Variants in IL1RAPL1 observed in about 807,000 individuals in gnomAD.
The protein encoded by IL1RAPL1 is interleukin 1 receptor accessory protein like 1.
Under a neutral mutation model 48.4 loss-of-function variants are expected in IL1RAPL1, and 3 were observed. The ratio of observed to expected loss-of-function variants is 0.06; its 90% CI spans 0.03 to 0.16. IL1RAPL1 has a LOEUF of 0.16. Among genes scored for constraint, IL1RAPL1 ranks in the 10% least tolerant of loss-of-function variants. The probability of loss-of-function intolerance (pLI) is 1.00; values close to 1 mark genes in which losing one functional copy is unlikely to be tolerated. For missense variants in IL1RAPL1, 349 were observed against 530.6 expected, an observed-to-expected ratio of 0.66 and a Z score of 3.36; for synonymous variants, 185 against 187.7, an observed-to-expected ratio of 0.99 and a Z score of 0.12.
At chrX:29,276,963 C>A (rs1932129514) in intron 2 of IL1RAPL1, among the ~76,000 whole-genome samples, 1 of 111,940 alleles carries the variant, frequency 8.9e-6, no homozygotes, top group Non-Finnish European at 1.9e-5. Context: ...TCAGAGTACA[C>A]CACACTTCAG....
At chrX:28,981,814 G>A (rs1260271532) in intron 2 of IL1RAPL1, among the ~76,000 whole-genome samples, 1 of 111,156 alleles carries the variant, frequency 9.0e-6, no homozygotes, top group East Asian at 2.8e-4. Context: ...TACATGCTCT[G>A]CACAAATCCT....
chrX:29,789,060 A>G (rs749436862), intron 6 of IL1RAPL1, among the ~76,000 whole-genome samples: 5 of 112,215 alleles, frequency 4.5e-5, no homozygotes, highest in Non-Finnish European at 9.4e-5. Context: ...CTACATTTGC[A>G]TATGCTTAAG....
intron 1 of IL1RAPL1, among the ~76,000 whole-genome samples, chrX:28,743,068 T>C (rs1158744474): frequency 9.0e-6 from 1 of 111,678 alleles, no homozygotes; most frequent in East Asian, 2.8e-4. Flanking sequence ...ATATGATTCT[T>C]CCTTATCCTT....
intron 2 of IL1RAPL1, among the ~76,000 whole-genome samples, chrX:29,220,335 T>C (rs781706808): frequency 2.4e-4 from 27 of 112,786 alleles, no homozygotes; most frequent in Non-Finnish European, 4.3e-4. Flanking sequence ...GTCTAACATA[T>C]CTAAATAGCT....
At chrX:29,333,388 G>A (rs1372768818) in intron 3 of IL1RAPL1, among the ~76,000 whole-genome samples, 3 of 105,593 alleles carry the variant, frequency 2.8e-5, no homozygotes, top group East Asian at 3.1e-4. Flanking sequence ...TGGATAGGGC[G>A]GCTGGCCGGG....
intron 5 of IL1RAPL1, among the ~76,000 whole-genome samples, chrX:29,574,071 A>G (rs1922690242): frequency 9.1e-6 from 1 of 110,413 alleles, no homozygotes; most frequent in Non-Finnish European, 1.9e-5. Context: ...TAATTGTCTC[A>G]TGGTTCCACA....
At chrX:28,784,326 T>C (rs759192667) in intron 1 of IL1RAPL1, among the ~76,000 whole-genome samples, 7 of 112,151 alleles carry the variant, frequency 6.2e-5, no homozygotes, top group Admixed American at 9.5e-5. Flanking sequence ...AATATAGTAA[T>C]GGCAAAACTT....
intron 2 of IL1RAPL1, among the ~76,000 whole-genome samples, chrX:29,085,117 A>G (rs990727729): frequency 8.9e-6 from 1 of 112,309 alleles, no homozygotes; most frequent in African/African-American, 3.2e-5. Context: ...CTATTAGAAT[A>G]GACTAATGGA....
intron 6 of IL1RAPL1, among the ~76,000 whole-genome samples, chrX:29,869,203 G>C (rs1447953437): frequency 8.9e-6 from 1 of 112,211 alleles, no homozygotes; most frequent in Non-Finnish European, 1.9e-5. Flanking sequence ...AACACACACA[G>C]AATACATCAG....
intron 5 of IL1RAPL1, among the ~76,000 whole-genome samples, chrX:29,448,001 G>A (rs1934631819): frequency 9.0e-6 from 1 of 111,707 alleles, no homozygotes; most frequent in South Asian, 3.7e-4. Context: ...GCATGCTGAG[G>A]TATAACTTCA....
chrX:29,779,281 A>G (rs950595925), intron 6 of IL1RAPL1, among the ~76,000 whole-genome samples: 1 of 111,562 alleles, frequency 9.0e-6, no homozygotes, highest in African/African-American at 3.3e-5. Flanking sequence ...ACAAACTGGG[A>G]TTCTGGACCC....
chrX:28,943,568 T>G (rs662810), intron 2 of IL1RAPL1, among the ~76,000 whole-genome samples: 36,047 of 108,265 alleles, frequency 0.33, 5,661 homozygotes, highest in Non-Finnish European at 0.47. Context: ...TCATTAAAAT[T>G]TCCCCAGCCC....
chrX:29,219,274 T>A (rs1930931099), intron 2 of IL1RAPL1, among the ~76,000 whole-genome samples: 1 of 111,839 alleles, frequency 8.9e-6, no homozygotes, highest in Non-Finnish European at 1.9e-5. Flanking sequence ...TTAATGTCAT[T>A]AAAATTATTG....
intron 2 of IL1RAPL1, among the ~76,000 whole-genome samples, chrX:29,030,864 G>A (rs1197707890): frequency 9.0e-6 from 1 of 111,501 alleles, no homozygotes; most frequent in Non-Finnish European, 1.9e-5. Flanking sequence ...ATGAAAGTGG[G>A]ATTCAGTTCC....
intron 5 of IL1RAPL1, among the ~76,000 whole-genome samples, chrX:29,544,797 C>T (rs1427123672): frequency 2.8e-5 from 3 of 108,219 alleles, no homozygotes; most frequent in Admixed American, 1.0e-4. Flanking sequence ...GAATTGTAAC[C>T]CCTTAAGACT....
chrX:29,742,356 C>G (rs1421486210), intron 6 of IL1RAPL1, among the ~76,000 whole-genome samples: 1 of 109,889 alleles, frequency 9.1e-6, no homozygotes, highest in Non-Finnish European at 1.9e-5. Flanking sequence ...ATTTTTTTTT[C>G]AGGTCATTTA....
chrX:29,308,873 G>T (rs972558275), intron 3 of IL1RAPL1, among the ~76,000 whole-genome samples: 2 of 111,604 alleles, frequency 1.8e-5, no homozygotes, highest in African/African-American at 6.5e-5. Flanking sequence ...ACATCTTCAG[G>T]GTCTCCCTAA....
At chrX:28,642,339 C>A (rs1934555694) in intron 1 of IL1RAPL1, among the ~76,000 whole-genome samples, 1 of 111,782 alleles carries the variant, frequency 8.9e-6, no homozygotes, top group African/African-American at 3.3e-5. Context: ...AACTCTCCAA[C>A]CCAAATCAAC....
chrX:29,089,791 C>G (rs865956630), intron 2 of IL1RAPL1, among the ~76,000 whole-genome samples: 2 of 21,347 alleles, frequency 9.4e-5, no homozygotes, highest in Admixed American at 1.1e-3. Context: ...TATATATGTG[C>G]ATACACAGAC....
Sources: allele counts gnomAD v4.1 joint callset (sites outside exome capture counted in the v4.1 genomes callset), GRCh38; gene constraint gnomAD v4.1.1; transcripts MANE v1.5; gene names NCBI Gene and HGNC (gene_info 2026-07-23, HGNC 2026-07-21).